The following DEPDC4 variants were observed in gnomAD, a reference collection of about 807,000 sequenced individuals.
DEPDC4 encodes DEP domain-containing protein 4.
DEPDC4 carries 52 observed loss-of-function variants against 52.0 expected under a neutral mutation model. The ratio of observed to expected loss-of-function variants is 1.00; its 90% CI spans 0.80 to 1.26. The LOEUF (loss-of-function observed/expected upper bound fraction) is 1.26. Ranked by LOEUF, DEPDC4 falls within the 50% of genes most tolerant of loss-of-function variation. DEPDC4 has a pLI of 0.00. For missense variants in DEPDC4, 530 were observed against 546.9 expected (o/e 0.97, Z 0.31); for synonymous variants, 201 against 196.8 (o/e 1.02, Z -0.18).
At chr12:100,267,343 T>G, upstream of DEPDC4, 1 of 335,228 alleles carries the variant, frequency 3.0e-6, no homozygotes. Context: ...AGGCGTTTAT[T>G]AGGGGGGCGG....
downstream of DEPDC4, among the ~76,000 whole-genome samples, chr12:100,235,527 C>G (rs773712278): frequency 6.6e-6 from 1 of 151,840 alleles, no homozygotes; most frequent in South Asian, 2.1e-4. Context: ...ATCCCTTACC[C>G]CTTTCCCACC....
chr12:100,232,411 T>A (rs1240286311), intron 9 of DEPDC4, among the ~76,000 whole-genome samples: 3 of 144,366 alleles, frequency 2.1e-5, no homozygotes, highest in Non-Finnish European at 4.7e-5. Flanking sequence ...AAAAAAAAAA[T>A]CTTTGTATAT....
chr12:100,267,050 G>T lies in DEPDC4; in HGVS notation c.27C>A (p.Arg9=), dbSNP rs768916253. 1.1e-5 allele frequency: 17 copies of T among 1,613,588 alleles called. No homozygotes were observed. Among genetic ancestry groups the T allele is most frequent in the Non-Finnish European group, 2.5e-6 (3 of 1,179,828 alleles). MVPGEEPA[R]ELMAVLLTPR... The stretch of plus-strand genomic sequence containing the variant: ...GAGTCAAAAGAACCGCCATAAGCTC[G>T]CGCGCTGGCTCCTCCCCTGGCACCA... Residue 9 remains arginine (R), a synonymous_variant, in exon 1 of 10, where the codon CGC becomes CGA. Coordinates refer to ENST00000550587, the MANE Select transcript of DEPDC4 (RefSeq NM_001364818.2).
chr12:100,258,454 A>G (rs551392212), intron 3 of DEPDC4, among the ~76,000 whole-genome samples: 34 of 152,346 alleles, frequency 2.2e-4, no homozygotes, highest in African/African-American at 7.9e-4. Flanking sequence ...AAAAACTTCT[A>G]GATTGCAACA....
intron 3 of DEPDC4, chr12:100,257,802 T>C (rs1000351987): frequency 6.6e-6 from 1 of 152,252 alleles, no homozygotes; most frequent in Non-Finnish European, 1.5e-5. Context: ...GGTTTTCCTT[T>C]TATTTAACAA....
At chr12:100,246,262 C>G (rs902666789) in intron 8 of DEPDC4, among the ~76,000 whole-genome samples, 4 of 151,740 alleles carry the variant, frequency 2.6e-5, no homozygotes, top group African/African-American at 9.7e-5. Flanking sequence ...TATGCGTTAT[C>G]TCTTCTACAA....
At chr12:100,259,079 A>AT (rs1407814890) in intron 3 of DEPDC4, among the ~76,000 whole-genome samples, 114 of 139,664 alleles carry the variant, frequency 8.2e-4, no homozygotes, top group African/African-American at 3.2e-3. Context: ...TCAAAAAAAA[A>AT]AAATATATAT....
At chr12:100,247,559 T>A (rs2096191312) in intron 8 of DEPDC4, among the ~76,000 whole-genome samples, 1 of 152,146 alleles carries the variant, frequency 6.6e-6, no homozygotes, top group Non-Finnish European at 1.5e-5. Context: ...ATCCTTCTAT[T>A]TTCCTCAAAA....
intron 7 of DEPDC4, 119 bp from the exon 8 acceptor site, chr12:100,249,097 A>G: frequency 4.2e-6 from 1 of 237,432 alleles, no homozygotes; most frequent in Non-Finnish European, 6.9e-6. Context: ...AGGATTGTAG[A>G]TGAGTGGAAA....
At chr12:100,236,790 T>C (rs1283175938), downstream of DEPDC4, among the ~76,000 whole-genome samples, 1 of 152,214 alleles carries the variant, frequency 6.6e-6, no homozygotes, top group South Asian at 2.1e-4. Context: ...TCCCATGTTA[T>C]CTTCTAGAAT....
downstream of DEPDC4, chr12:100,237,745 C>A (rs1045274281): frequency 6.6e-6 from 1 of 151,904 alleles, no homozygotes; most frequent in African/African-American, 2.4e-5. Flanking sequence ...TTTTTTATTT[C>A]TTTGTTTCAA....
chr12:100,254,896 A>G (rs532723482), intron 4 of DEPDC4, among the ~76,000 whole-genome samples: 3 of 151,196 alleles, frequency 2.0e-5, no homozygotes, highest in Non-Finnish European at 4.4e-5. Context: ...TAATTTAAAA[A>G]TTTTTTTTTC....
intron 4 of DEPDC4, among the ~76,000 whole-genome samples, chr12:100,254,277 A>G (rs1026012699): frequency 9.6e-6 from 1 of 104,270 alleles, no homozygotes; most frequent in South Asian, 3.2e-4. Context: ...ATAGGTTAGT[A>G]TTTACTGTAA....
downstream of DEPDC4, among the ~76,000 whole-genome samples, chr12:100,237,199 TTC>T (rs970193434): frequency 4.2e-5 from 6 of 142,928 alleles, no homozygotes; most frequent in Admixed American, 2.8e-4. Context: ...TTTTAGGATT[TTC>T]TTTTTCTTTT....
chr12:100,262,210 A>C, intron 3 of DEPDC4, 54 bp downstream of exon 3: 1 of 1,551,292 alleles, frequency 6.4e-7, no homozygotes, highest in Non-Finnish European at 8.7e-7. Flanking sequence ...AACCTGTTAA[A>C]AAGAAGTTAG....
At chr12:100,265,290 T>C (rs149351651) in intron 1 of DEPDC4, among the ~76,000 whole-genome samples, 2 of 146,738 alleles carry the variant, frequency 1.4e-5, no homozygotes, top group Non-Finnish European at 1.5e-5. Context: ...TGAGACCCTG[T>C]CTCAATTAGA....
At chr12:100,275,960 T>G in the DEPDC4 span, among the ~76,000 whole-genome samples, 1 of 152,354 alleles carries the variant, frequency 6.6e-6, no homozygotes, top group Non-Finnish European at 1.5e-5. Flanking sequence ...ATTCAGTTAA[T>G]GTGAATTACA....
intron 1 of DEPDC4, among the ~76,000 whole-genome samples, chr12:100,265,593 A>G (rs929732710): frequency 3.9e-5 from 6 of 152,156 alleles, no homozygotes; most frequent in African/African-American, 1.4e-4. Flanking sequence ...AAAACAGTCT[A>G]TTACCTGAAA....
chr12:100,251,646 C>T (rs2096208480), intron 7 of DEPDC4, among the ~76,000 whole-genome samples: 1 of 151,968 alleles, frequency 6.6e-6, no homozygotes, highest in South Asian at 2.1e-4. Context: ...TGGTTCATTG[C>T]AACCTCCGCC....
Sources: allele counts gnomAD v4.1 joint callset (sites outside exome capture counted in the v4.1 genomes callset), GRCh38; gene constraint gnomAD v4.1.1; transcripts MANE v1.5; gene names NCBI Gene and HGNC (gene_info 2026-07-23, HGNC 2026-07-21).